Variants in ISX observed in about 807,000 individuals in gnomAD.
ISX encodes intestine specific homeobox.
In ISX, 15 loss-of-function variants were observed where a neutral mutation model predicts 16.9. The ratio of observed to expected loss-of-function variants is 0.89; its 90% confidence interval spans 0.59 to 1.36. The LOEUF (loss-of-function observed/expected upper bound fraction) is 1.36. Among genes scored for constraint, ISX ranks in the 40% most tolerant of loss-of-function variants. The pLI, the probability that ISX is intolerant of heterozygous loss-of-function variation, is 0.00. For synonymous variants in ISX, 125 were observed against 119.7 expected (o/e 1.04, Z -0.29); for missense variants, 316 against 306.1 (o/e 1.03, Z -0.24).
chr22:35,076,967 A>T (rs771263484), intron 2 of ISX, among the ~76,000 whole-genome samples: 1 of 152,108 alleles, frequency 6.6e-6, no homozygotes, highest in Non-Finnish European at 1.5e-5. Context: ...CTCCCTAGGT[A>T]GGCTGGGCTT....
At chr22:35,077,107 T>A (rs2146291754) in intron 2 of ISX, among the ~76,000 whole-genome samples, 1 of 152,276 alleles carries the variant, frequency 6.6e-6, no homozygotes, top group Middle Eastern at 3.4e-3. Context: ...CTCAGAAGTG[T>A]CCCCTCTTAG....
chr22:35,082,375 C>A, intron 2 of ISX, 143 bp from the exon 3 acceptor site: 1 of 739,620 alleles, frequency 1.4e-6, no homozygotes, highest in Non-Finnish European at 2.2e-6. Flanking sequence ...AAAGAGAATA[C>A]TGTGAAGCTC....
intron 2 of ISX, among the ~76,000 whole-genome samples, chr22:35,068,409 G>GGC (rs1453086252): frequency 6.6e-6 from 1 of 152,242 alleles, no homozygotes; most frequent in African/African-American, 2.4e-5. Flanking sequence ...CAGGAGGGCT[G>GGC]TGTGTCTGCA....
At chr22:35,082,473 C>G in intron 2 of ISX, 45 bp from the exon 3 acceptor site, 1 of 1,598,588 alleles carries the variant, frequency 6.3e-7, no homozygotes, top group Middle Eastern at 1.7e-4. Flanking sequence ...CACCTAGGTG[C>G]TGACACCAAG....
At chr22:35,075,069 T>C (rs914726101) in intron 2 of ISX, among the ~76,000 whole-genome samples, 1 of 152,206 alleles carries the variant, frequency 6.6e-6, no homozygotes, top group Non-Finnish European at 1.5e-5. Flanking sequence ...ATAATACAAA[T>C]ACGATATACA....
At chr22:35,075,354 T>C (rs1446368313) in intron 2 of ISX, among the ~76,000 whole-genome samples, 2 of 152,238 alleles carry the variant, frequency 1.3e-5, no homozygotes, top group African/African-American at 4.8e-5. Context: ...AGGTCAGGTG[T>C]GTCAAGCCAA....
At chr22:35,085,362 C>T in intron 4 of ISX, 92 bp from the exon 5 acceptor site, 2 of 1,510,696 alleles carry the variant, frequency 1.3e-6, no homozygotes, top group Admixed American at 1.7e-5. Context: ...ACACTACCCA[C>T]TCTTAGCTGC....
In ISX at chr22:35,083,935, G is replaced by T. The variant is rs150597214; in HGVS notation, c.382-448G>T. On this transcript the variant is annotated intron_variant, in intron 3 of 4. Transcript: ENST00000404699. ...AAGAGGCCCCAGGGGTTGAAAAGGG[G>T]TGGCCCACTGATGACCCACACATGA... is the stretch of plus-strand genomic sequence containing the variant. Among the ~76,000 whole-genome samples the T allele has an allele frequency of 3.1e-3, 473 of 152,362 alleles. 1 individual carries two copies. Among genetic ancestry groups the T allele is most frequent in the African/African-American group, 0.011 (449 of 41,588 alleles).
chr22:35,085,745 A>T lies in ISX; in HGVS notation c.*52A>T. ...GCCACTTTCCTCTCCAGGTGAAGGCAGGTAGCAGATGTGCCCTGGGCCTCT... is the reference window on the plus strand; with the variant it reads ...GCCACTTTCCTCTCCAGGTGAAGGCTGGTAGCAGATGTGCCCTGGGCCTCT... On this transcript the variant is annotated 3_prime_UTR_variant, in exon 5 of 5. Transcript: ENST00000404699. 6.2e-7 allele frequency: 1 copy of T among 1,611,338 alleles called. No homozygotes were observed.
intron 2 of ISX, 32 bp from the exon 3 acceptor site, chr22:35,082,486 C>T (rs1929142218): frequency 6.2e-7 from 1 of 1,609,296 alleles, no homozygotes; most frequent in Non-Finnish European, 8.5e-7. Flanking sequence ...ACACCAAGGC[C>T]ACTGACACAA....
At position 35,069,775 on chromosome 22, in the gene ISX, G is replaced by A. The variant is rs1045018662; in HGVS notation, c.229+2459G>A. 2.0e-5 allele frequency among the ~76,000 whole-genome samples: 3 copies of A among 152,294 alleles called. No individual in the cohort carries two copies. The South Asian group carries it at 6.2e-4, about 32-fold the overall frequency. On this transcript the variant is annotated intron_variant, in intron 2 of 4. Transcript: ENST00000404699. Reference sequence around the variant, plus strand: ...GACCCCTCAGCAGAGAGCAACAGGAGCAGAAACAGCAACACCCTCTCCTGC... The same window carrying A: ...GACCCCTCAGCAGAGAGCAACAGGAACAGAAACAGCAACACCCTCTCCTGC...
chr22:35,070,092 C>T (rs1601555913), intron 2 of ISX, among the ~76,000 whole-genome samples: 1 of 152,188 alleles, frequency 6.6e-6, no homozygotes, highest in African/African-American at 2.4e-5. Context: ...AGAGCCAGTA[C>T]ATGCAAGAGA....
chr22:35,075,141 G>C (rs887597846), intron 2 of ISX, among the ~76,000 whole-genome samples: 12 of 152,210 alleles, frequency 7.9e-5, no homozygotes, highest in Non-Finnish European at 1.2e-4. Context: ...AACACCATCA[G>C]AGACAGCCCT....
chr22:35,074,354 A>G (rs543960280), intron 2 of ISX, among the ~76,000 whole-genome samples: 1 of 152,176 alleles, frequency 6.6e-6, no homozygotes, highest in Admixed American at 6.5e-5. Flanking sequence ...TGGAGTCTTC[A>G]TCTTGCTGTT....
At chr22:35,071,379 G>C (rs1928849431) in intron 2 of ISX, among the ~76,000 whole-genome samples, 1 of 152,218 alleles carries the variant, frequency 6.6e-6, no homozygotes, top group South Asian at 2.1e-4. Context: ...CTGAAATCCA[G>C]GTATTGGCAG....
rs1929238626 is a variant in ISX at position 35,085,709 on chromosome 22, T to G, written c.*16T>G. The G allele has an allele frequency of 6.2e-7, 1 of 1,613,778 alleles. No homozygotes were observed. On this transcript the variant is annotated 3_prime_UTR_variant, in exon 5 of 5. Transcript: ENST00000404699. Reference sequence around the variant, plus strand: ...TTCAACATAGAGATTGGACATGCTCTCCCCAAATGAGCCACTTTCCTCTCC... The same window carrying G: ...TTCAACATAGAGATTGGACATGCTCGCCCCAAATGAGCCACTTTCCTCTCC...
At chr22:35,076,545 G>C (rs536404168) in intron 2 of ISX, among the ~76,000 whole-genome samples, 1 of 152,288 alleles carries the variant, frequency 6.6e-6, no homozygotes, top group South Asian at 2.1e-4. Context: ...CTACAGGAGG[G>C]CTGCAAAGGG....
intron 2 of ISX, among the ~76,000 whole-genome samples, chr22:35,073,296 G>C (rs1453263481): frequency 2.6e-5 from 4 of 152,208 alleles, no homozygotes; most frequent in Admixed American, 1.3e-4. Flanking sequence ...AGATGGTGTA[G>C]AGCAGTGGTC....
chr22:35,073,459 C>A (rs1263729198), intron 2 of ISX, among the ~76,000 whole-genome samples: 4 of 152,072 alleles, frequency 2.6e-5, no homozygotes, highest in Non-Finnish European at 4.4e-5. Context: ...CAATGGGATC[C>A]CTGAGTTGGT....
Sources: allele counts gnomAD v4.1 joint callset (sites outside exome capture counted in the v4.1 genomes callset), GRCh38; gene constraint gnomAD v4.1.1; transcripts MANE v1.5; gene names NCBI Gene and HGNC (gene_info 2026-07-23, HGNC 2026-07-21).